CPED1: variants seen among roughly 807,000 people sequenced by gnomAD.
CPED1 encodes cadherin-like and PC-esterase domain-containing protein 1.
Under a neutral mutation model 128.2 loss-of-function variants are expected in CPED1, and 114 were observed. That is an observed-to-expected ratio of 0.89 (90% CI 0.76 to 1.04). The LOEUF (loss-of-function observed/expected upper bound fraction) is 1.04, where lower values mean the gene tolerates loss of function less well. CPED1 is among the 50% of genes least tolerant of loss of function. The probability of loss-of-function intolerance (pLI) is 0.00; values close to 1 mark genes in which losing one functional copy is unlikely to be tolerated. For missense variants in CPED1, 1,211 were observed against 1,207.1 expected (o/e 1.00, Z -0.05); for synonymous variants, 462 against 426.7 (o/e 1.08, Z -1.02).
At chr7:121,129,473 A>C (rs2116331205) in intron 11 of CPED1, among the ~76,000 whole-genome samples, 1 of 151,230 alleles carries the variant, frequency 6.6e-6, no homozygotes, top group African/African-American at 2.4e-5. Context: ...ATTTCCCCAA[A>C]GATAATTGAG....
In CPED1 at chr7:120,989,454, C is replaced by G. The variant is rs1265989803; in HGVS notation, c.-168C>G. On this transcript the variant is annotated 5_prime_UTR_variant, in exon 2 of 23. Coordinates refer to ENST00000310396, the MANE Select transcript of CPED1 (RefSeq NM_024913.5). ...ATTAAAAGCCTCAGACTTTCGGGAC[C>G]TATGATTCTTTGGCACAACCTTTTG... 1 of 769,642 alleles carries G rather than the reference C, an allele frequency of 1.3e-6. No individual in the cohort carries two copies. Among genetic ancestry groups the G allele is most frequent in the Non-Finnish European group, 2.1e-6 (1 of 485,704 alleles). 47.7% of individuals were successfully genotyped at this position (769,642 alleles called of 1,614,324 possible).
intron 16 of CPED1, among the ~76,000 whole-genome samples, chr7:121,211,557 G>GTTCA (rs1395670592): frequency 2.4e-3 from 3 of 1,252 alleles, no homozygotes; most frequent in Non-Finnish European, 0.012. Context: ...TATCTGATTG[G>GTTCA]GACAGCAGAC....
intron 7 of CPED1, among the ~76,000 whole-genome samples, chr7:121,123,951 T>C (rs1022108621): frequency 6.6e-6 from 1 of 152,182 alleles, no homozygotes; most frequent in Non-Finnish European, 1.5e-5. Context: ...CTCTTGTTGG[T>C]AGATATTAAT....
chr7:121,098,117 A>C (rs1055083812), intron 6 of CPED1, among the ~76,000 whole-genome samples: 2 of 152,284 alleles, frequency 1.3e-5, no homozygotes, highest in South Asian at 2.1e-4. Context: ...CAAAACTATA[A>C]AATTTTAACT....
chr7:121,056,185 C>T (rs1218838322), intron 4 of CPED1, among the ~76,000 whole-genome samples: 1 of 151,972 alleles, frequency 6.6e-6, no homozygotes, highest in East Asian at 1.9e-4. Flanking sequence ...TACTGAATAA[C>T]TGAAATGTTA....
At chr7:121,001,595 G>A (rs916038614) in intron 2 of CPED1, among the ~76,000 whole-genome samples, 1 of 152,120 alleles carries the variant, frequency 6.6e-6, no homozygotes, top group Non-Finnish European at 1.5e-5. Flanking sequence ...AAAAGTAGGT[G>A]GCGTTAGGGT....
At chr7:120,991,309 A>G (rs1255438118) in intron 2 of CPED1, among the ~76,000 whole-genome samples, 1 of 152,218 alleles carries the variant, frequency 6.6e-6, no homozygotes, top group Non-Finnish European at 1.5e-5. Context: ...GAAATTGTAC[A>G]TCTATTTTTA....
chr7:121,067,127 T>A (rs889400260), intron 5 of CPED1, among the ~76,000 whole-genome samples: 23 of 145,762 alleles, frequency 1.6e-4, no homozygotes, highest in East Asian at 8.2e-4. Context: ...CTTTTTTTTT[T>A]ATATACTTTA....
intron 22 of CPED1, among the ~76,000 whole-genome samples, chr7:121,292,370 C>T (rs1792725014): frequency 6.6e-6 from 1 of 151,832 alleles, no homozygotes; most frequent in Non-Finnish European, 1.5e-5. Flanking sequence ...TCCATCGGGT[C>T]ATTTATGTTC....
rs1019028911 is a variant in CPED1 at position 121,142,250 on chromosome 7, A to C, written c.2055+109A>C. 5 of 997,134 alleles carry C rather than the reference A, an allele frequency of 5.0e-6. No homozygotes were observed. In the Admixed American group the frequency reaches 1.1e-4, roughly 23 times the overall value. The allele number at this position is 997,134 out of a possible 1,614,324, so 61.8% of individuals were successfully genotyped here. ...CAAGAAATTGTATGCCTTGAAATCG[A>C]AACTGTGGTCTCATTTCAAAAAAGT... On this transcript the variant is annotated intron_variant, in intron 16 of 22. Transcript: ENST00000310396.
At chr7:121,022,749 C>A (rs576537939) in intron 3 of CPED1, among the ~76,000 whole-genome samples, 1 of 152,128 alleles carries the variant, frequency 6.6e-6, no homozygotes, top group Admixed American at 6.6e-5. Context: ...CGCAAACATA[C>A]AAAGCAAGAA....
chr7:121,121,964 T>C (rs1795400822), intron 7 of CPED1, among the ~76,000 whole-genome samples: 1 of 152,162 alleles, frequency 6.6e-6, no homozygotes, highest in Non-Finnish European at 1.5e-5. Context: ...TTAGTCTAAG[T>C]GAGTTAGTTA....
chr7:121,100,018 TA>T lies in CPED1; in HGVS notation c.844del (p.Thr282ProfsTer34), dbSNP rs1298574624. 1.9e-6 allele frequency: 3 copies of T among 1,613,732 alleles called. No individual in the cohort carries two copies. The highest frequency in any genetic ancestry group is 2.7e-5 in the African/African-American group (2 of 74,976). ...AAAGCGTATGTGTTGGTGACGTCCTTAACCCCTTTGCGTGCATTCATTCATT... is the reference window on the plus strand; with the variant it reads ...AAAGCGTATGTGTTGGTGACGTCCTTACCCCTTTGCGTGCATTCATTCATT... ...ILKAYVLVTS[L>X]TPLRAFIHST... On this transcript the variant is annotated frameshift_variant, in exon 7 of 23. Transcript: ENST00000310396. LOFTEE classifies it high-confidence loss of function.
intron 16 of CPED1, among the ~76,000 whole-genome samples, chr7:121,236,494 G>A (rs1715980724): frequency 6.6e-6 from 1 of 151,880 alleles, no homozygotes; most frequent in Admixed American, 6.6e-5. Flanking sequence ...TTTTTTAATT[G>A]GCAGAACAAT....
At chr7:121,274,318 T>C (rs992678671) in intron 22 of CPED1, among the ~76,000 whole-genome samples, 7 of 152,152 alleles carry the variant, frequency 4.6e-5, no homozygotes, top group Non-Finnish European at 1.0e-4. Flanking sequence ...CTGATTAAAA[T>C]TATCATTAAC....
chr7:121,169,899 G>T (rs10252157), intron 16 of CPED1, among the ~76,000 whole-genome samples: 15,858 of 152,068 alleles, frequency 0.1, 1,392 homozygotes, highest in African/African-American at 0.24. Flanking sequence ...AGCATGGATG[G>T]CTCCAATAAT....
chr7:121,007,230 C>CTTTTTTTTTT (rs147867549), intron 2 of CPED1, among the ~76,000 whole-genome samples: 7 of 115,848 alleles, frequency 6.0e-5, no homozygotes, highest in Admixed American at 1.9e-4. Context: ...GTTCAGGTTG[C>CTTTTTTTTTT]ATTTTTTTTT....
At chr7:121,097,143 G>A (rs1425484084) in intron 5 of CPED1, among the ~76,000 whole-genome samples, 1 of 152,090 alleles carries the variant, frequency 6.6e-6, no homozygotes, top group Non-Finnish European at 1.5e-5. Context: ...ATGTCCATAT[G>A]AGTGTTCTTA....
intron 5 of CPED1, among the ~76,000 whole-genome samples, chr7:121,071,166 A>G (rs1301380194): frequency 6.6e-6 from 1 of 152,198 alleles, no homozygotes; most frequent in South Asian, 2.1e-4. Flanking sequence ...ACAGGAAAGT[A>G]CAAGACAGGA....
Sources: allele counts gnomAD v4.1 joint callset (sites outside exome capture counted in the v4.1 genomes callset), GRCh38; gene constraint gnomAD v4.1.1; transcripts MANE v1.5; gene names NCBI Gene and HGNC (gene_info 2026-07-23, HGNC 2026-07-21).